Variants in ARHGAP6 observed in about 807,000 individuals in gnomAD.
The protein encoded by ARHGAP6 is rho GTPase-activating protein 6.
A neutral mutation model predicts 55.7 loss-of-function variants in ARHGAP6; 16 were observed. The observed-to-expected ratio is 0.29, with a 90% CI of 0.19 to 0.44. ARHGAP6 has a LOEUF of 0.44. ARHGAP6 is among the 20% of genes least tolerant of loss of function. The pLI, the probability that ARHGAP6 is intolerant of heterozygous loss-of-function variation, is 1.00. For synonymous variants in ARHGAP6, 382 were observed against 360.9 expected (o/e 1.06, Z -0.66); for missense variants, 698 against 808.9 (o/e 0.86, Z 1.66).
At chrX:11,333,973 T>A (rs2048595936) in intron 1 of ARHGAP6, among the ~76,000 whole-genome samples, 1 of 111,764 alleles carries the variant, frequency 8.9e-6, no homozygotes, top group Non-Finnish European at 1.9e-5. Flanking sequence ...TTCGGAAAAG[T>A]TGGAGATAAA....
In ARHGAP6 at chrX:11,509,003, G is replaced by T. The variant is rs754758134; in HGVS notation, c.588+155238C>A. 2.7e-5 allele frequency among the ~76,000 whole-genome samples: 3 copies of T among 111,030 alleles called. No homozygotes were observed. In the East Asian group the frequency reaches 8.6e-4, roughly 32 times the overall value. On this transcript the variant is annotated intron_variant, in intron 1 of 12. Coordinates refer to ENST00000337414, the MANE Select transcript of ARHGAP6 (RefSeq NM_013427.3). ...CAACATAGTGATAACCTTGATATTGGAATCATTAAGGAAAACTTCAAATTA... is the reference window on the plus strand; with the variant it reads ...CAACATAGTGATAACCTTGATATTGTAATCATTAAGGAAAACTTCAAATTA...
chrX:11,646,084 C>G (rs2052523533), intron 1 of ARHGAP6, among the ~76,000 whole-genome samples: 1 of 111,304 alleles, frequency 9.0e-6, no homozygotes, highest in African/African-American at 3.3e-5. Context: ...AAAGGGGAAG[C>G]AAGGACCTTC....
chrX:11,328,216 T>G (rs910903952), intron 1 of ARHGAP6, among the ~76,000 whole-genome samples: 4 of 112,168 alleles, frequency 3.6e-5, no homozygotes, highest in African/African-American at 1.3e-4. Flanking sequence ...CACATACATC[T>G]CCAAACATCT....
At chrX:11,522,231 A>G (rs1326745785) in intron 1 of ARHGAP6, among the ~76,000 whole-genome samples, 1 of 111,521 alleles carries the variant, frequency 9.0e-6, no homozygotes, top group Non-Finnish European at 1.9e-5. Flanking sequence ...GACACATTTA[A>G]AGCAGTGTGT....
In ARHGAP6 at chrX:11,266,070, T is replaced by A. The variant is rs867922102; in HGVS notation, c.589-11363A>T. The A allele has an allele frequency of 1.0e-3, 249 of 249,627 alleles. 1 individual carries two copies. Among genetic ancestry groups the A allele is most frequent in the Middle Eastern group, 2.1e-3 (2 of 974 alleles). The allele number at this position is 249,627 out of a possible 1,213,427, so 20.6% of individuals were successfully genotyped here. A position where few individuals can be genotyped will look rare whatever the true frequency, so the allele number is the denominator to read the frequency against. On this transcript the variant is annotated intron_variant, in intron 1 of 12. Transcript: ENST00000337414. ...GTGTGTGTGTGTGTGTGTGTGTGTG[T>A]GTGAGAGAGAGAGAGAGAGAGAGAG...
intron 1 of ARHGAP6, among the ~76,000 whole-genome samples, chrX:11,602,885 T>C (rs754620382): frequency 1.8e-5 from 2 of 112,335 alleles, no homozygotes; most frequent in South Asian, 7.4e-4. Context: ...ACTGAGGAGG[T>C]GAGCTCAACT....
At chrX:11,410,064 G>A (rs763191700) in intron 1 of ARHGAP6, among the ~76,000 whole-genome samples, 3 of 112,067 alleles carry the variant, frequency 2.7e-5, no homozygotes, top group East Asian at 2.8e-4. Flanking sequence ...ACACTCTGGC[G>A]GCTCCTCAAA....
chrX:11,453,253 TATATATAGTATATATAGC>T (rs1279142658), intron 1 of ARHGAP6, among the ~76,000 whole-genome samples: 3 of 99,637 alleles, frequency 3.0e-5, no homozygotes, highest in African/African-American at 3.7e-5. Context: ...ATACATAATA[TATATATAGTATATATAGC>T]ATATATATAC....
intron 1 of ARHGAP6, among the ~76,000 whole-genome samples, chrX:11,558,376 G>T (rs1282500964): frequency 1.8e-5 from 2 of 111,803 alleles, no homozygotes; most frequent in Admixed American, 1.9e-4. Flanking sequence ...AAGGAACATT[G>T]AGGATGCAAA....
At chrX:11,539,243 A>G (rs750669661) in intron 1 of ARHGAP6, among the ~76,000 whole-genome samples, 14 of 111,906 alleles carry the variant, frequency 1.3e-4, no homozygotes, top group African/African-American at 4.2e-4. Flanking sequence ...AGTTATGACA[A>G]TCAAAAATGT....
intron 1 of ARHGAP6, among the ~76,000 whole-genome samples, chrX:11,515,516 CT>C (rs1036612955): frequency 1.1e-5 from 1 of 94,112 alleles, no homozygotes; most frequent in African/African-American, 4.8e-5. Context: ...ACAACCAAAG[CT>C]TTCCCTCAAT....
At chrX:11,584,868 T>A (rs770998082) in intron 1 of ARHGAP6, among the ~76,000 whole-genome samples, 3 of 111,826 alleles carry the variant, frequency 2.7e-5, no homozygotes, top group Non-Finnish European at 3.8e-5. Flanking sequence ...TAAGGTTACA[T>A]GTGCAAGTTC....
intron 1 of ARHGAP6, among the ~76,000 whole-genome samples, chrX:11,565,169 A>G (rs1211247989): frequency 8.9e-6 from 1 of 112,225 alleles, no homozygotes; most frequent in Non-Finnish European, 1.9e-5. Flanking sequence ...CCTATTTCAC[A>G]TCAACAACTA....
chrX:11,325,155 T>C (rs1208335879), intron 1 of ARHGAP6, among the ~76,000 whole-genome samples: 3 of 112,295 alleles, frequency 2.7e-5, no homozygotes, highest in Admixed American at 9.4e-5. Flanking sequence ...ACACTTAAAA[T>C]TCTTTAGTCT....
chrX:11,636,279 A>G (rs2052418559), intron 1 of ARHGAP6, among the ~76,000 whole-genome samples: 1 of 112,063 alleles, frequency 8.9e-6, no homozygotes, highest in South Asian at 3.7e-4. Context: ...AACCTGCTCA[A>G]CAGATAATAA....
intron 1 of ARHGAP6, among the ~76,000 whole-genome samples, chrX:11,359,494 T>C (rs1000678371): frequency 5.8e-4 from 65 of 112,260 alleles, no homozygotes; most frequent in Non-Finnish European, 9.6e-4. Context: ...CTAAATCTTA[T>C]TTAGCCTATA....
At chrX:11,506,733 A>C (rs757768278) in intron 1 of ARHGAP6, among the ~76,000 whole-genome samples, 17 of 111,777 alleles carry the variant, frequency 1.5e-4, no homozygotes, top group African/African-American at 4.9e-4. Context: ...AGCATGATTT[A>C]TAATCCTTTG....
Position 11,139,435 on chromosome X carries a change from C to A in ARHGAP6, c.2353G>T (p.Gly785Trp). The A allele has an allele frequency of 8.4e-7, 1 of 1,187,725 alleles. No individual in the cohort carries two copies. Among genetic ancestry groups the A allele is most frequent in the Non-Finnish European group, 1.1e-6 (1 of 886,125 alleles). The part of the protein sequence containing the change: ...NLSPNWPRWQ[G>W]SPAELDSDTQ... ...TCGCTGTCCAGCTCTGCGGGGCTCC[C>A]CTGCCACCGAGGCCAATTTGGGGAC... The change falls in exon 13 of 13, where the codon GGG (glycine) becomes TGG (tryptophan). Residue 785 changes from glycine to tryptophan, a missense_variant. Gly to Trp is a radical substitution (Grantham distance 184). This residue lies in a region of ARHGAP6 where 212 missense variants were observed against 208.7 expected (regional missense o/e 1.02). Coordinates refer to ENST00000337414, the MANE Select transcript of ARHGAP6 (RefSeq NM_013427.3).
chrX:11,317,557 G>T (rs1207137153), intron 1 of ARHGAP6, among the ~76,000 whole-genome samples: 2 of 111,972 alleles, frequency 1.8e-5, no homozygotes, highest in Non-Finnish European at 3.8e-5. Context: ...ATGGATTTTG[G>T]TGACATGAGC....
Sources: gnomAD v4.1 joint callset for allele counts (sites outside exome capture counted in the v4.1 genomes callset) on GRCh38, gnomAD v4.1.1 for gene constraint, gnomAD v4.1.1 regional missense constraint, MANE v1.5 for transcripts, NCBI Gene and HGNC (gene_info 2026-07-23, HGNC 2026-07-21) for gene names.